Variants in FTCDNL1 observed in about 807,000 individuals in gnomAD.
The protein encoded by FTCDNL1 is formiminotransferase N-terminal subdomain-containing protein.
A neutral mutation model predicts 5.9 loss-of-function variants in FTCDNL1; 11 were observed. That is an observed-to-expected ratio of 1.87 (90% CI 1.18 to 3.10). The LOEUF (loss-of-function observed/expected upper bound fraction) is 3.10, where lower values mean the gene tolerates loss of function less well. Among genes scored for constraint, FTCDNL1 ranks in the 30% most tolerant of loss-of-function variants. The pLI is 0.00. For synonymous variants in FTCDNL1, 58 were observed against 24.8 expected (o/e 2.34, Z -3.99); for missense variants, 115 against 65.5 (o/e 1.76, Z -2.61).
the FTCDNL1 span, among the ~76,000 whole-genome samples, chr2:199,734,640 C>T: frequency 6.6e-6 from 1 of 152,132 alleles, no homozygotes; most frequent in Non-Finnish European, 1.5e-5. Flanking sequence ...GACACATGAT[C>T]ACCAAAGGCA....
chr2:199,845,939 G>A (rs2076721372), intron 3 of FTCDNL1, 136 bp downstream of exon 3: 2 of 427,992 alleles, frequency 4.7e-6, no homozygotes, highest in South Asian at 1.3e-4. Context: ...ATGATTAAGT[G>A]TAGCTTTGTG....
chr2:199,723,787 A>C, the FTCDNL1 span, among the ~76,000 whole-genome samples: 2 of 152,188 alleles, frequency 1.3e-5, no homozygotes, highest in East Asian at 3.8e-4. Context: ...TCAGTTTGCC[A>C]GTATTTTACT....
chr2:199,693,419 T>C, the FTCDNL1 span, among the ~76,000 whole-genome samples: 1 of 152,224 alleles, frequency 6.6e-6, no homozygotes, highest in Non-Finnish European at 1.5e-5. Flanking sequence ...CGTATACTTT[T>C]TACTCCATGA....
chr2:199,748,618 C>G, the FTCDNL1 span, among the ~76,000 whole-genome samples: 1 of 152,170 alleles, frequency 6.6e-6, no homozygotes, highest in Non-Finnish European at 1.5e-5. Context: ...AGCCCCTGAT[C>G]TGTGAGACAG....
chr2:199,692,505 T>C, the FTCDNL1 span, among the ~76,000 whole-genome samples: 1 of 152,222 alleles, frequency 6.6e-6, no homozygotes, highest in Non-Finnish European at 1.5e-5. Flanking sequence ...GTGGCGTAAT[T>C]AAGGCTTGTG....
At chr2:199,786,428 G>T (rs1417947425) in intron 3 of FTCDNL1, among the ~76,000 whole-genome samples, 1 of 151,956 alleles carries the variant, frequency 6.6e-6, no homozygotes, top group Non-Finnish European at 1.5e-5. Context: ...GGCTTTTAAG[G>T]TATTTGCATG....
At chr2:199,783,117 G>A (rs1437305787) in intron 3 of FTCDNL1, among the ~76,000 whole-genome samples, 1 of 152,200 alleles carries the variant, frequency 6.6e-6, no homozygotes, top group Non-Finnish European at 1.5e-5. Context: ...GGCCATCAGG[G>A]AGCCTGGTTC....
At position 199,831,875 on chromosome 2, in the gene FTCDNL1, T is replaced by G. The variant is rs1162020885; in HGVS notation, c.212-12118A>C. On this transcript the variant is annotated intron_variant, in intron 3 of 4. Coordinates refer to ENST00000420128, the MANE Select transcript of FTCDNL1 (RefSeq NM_001363886.2). ...CTGTCTTGATAGAAAAAACTACAAG[T>G]GAGTTTCTTAATGTGTCGAGGTCTG... Among the ~76,000 whole-genome samples the G allele has an allele frequency of 6.6e-5, 10 of 152,214 alleles. No individual in the cohort carries two copies. In the South Asian group the frequency reaches 1.9e-3, roughly 28 times the overall value.
At chr2:199,781,383 C>T (rs1176368169) in intron 3 of FTCDNL1, among the ~76,000 whole-genome samples, 2 of 152,142 alleles carry the variant, frequency 1.3e-5, no homozygotes, top group Non-Finnish European at 2.9e-5. Flanking sequence ...GGTCATCTTC[C>T]AGACCACAGA....
chr2:199,764,525 T>C (rs545102363), intron 3 of FTCDNL1, among the ~76,000 whole-genome samples: 43 of 152,312 alleles, frequency 2.8e-4, no homozygotes, highest in South Asian at 2.1e-4. Context: ...TTTTGTCACA[T>C]TGGAACATGA....
chr2:199,832,522 T>C (rs1337844596), intron 3 of FTCDNL1, among the ~76,000 whole-genome samples: 2 of 152,188 alleles, frequency 1.3e-5, no homozygotes, highest in African/African-American at 4.8e-5. Context: ...GAAGAACTGA[T>C]GAAGGAGAAG....
At chr2:199,791,417 A>C (rs939805538) in intron 3 of FTCDNL1, among the ~76,000 whole-genome samples, 3 of 152,182 alleles carry the variant, frequency 2.0e-5, no homozygotes, top group African/African-American at 7.2e-5. Context: ...CAGTTTTTTA[A>C]AAATAGAAAA....
chr2:199,690,890 C>A, the FTCDNL1 span, among the ~76,000 whole-genome samples: 1 of 152,110 alleles, frequency 6.6e-6, no homozygotes, highest in African/African-American at 2.4e-5. Context: ...TTATTTACTC[C>A]ATGGTCTAAA....
chr2:199,669,137 T>G, the FTCDNL1 span, among the ~76,000 whole-genome samples: 1,969 of 152,226 alleles, frequency 0.013, 17 homozygotes, highest in South Asian at 0.024. Flanking sequence ...TAACTGAACT[T>G]CCTGGATAAC....
chr2:199,752,579 A>G, the FTCDNL1 span, among the ~76,000 whole-genome samples: 1 of 152,148 alleles, frequency 6.6e-6, no homozygotes, highest in Non-Finnish European at 1.5e-5. Flanking sequence ...TGGCCAGCAG[A>G]TGGCCTTGGA....
rs535107207 is a variant in FTCDNL1 at position 199,826,255 on chromosome 2, A to G, written c.212-6498T>C. On this transcript the variant is annotated intron_variant, in intron 3 of 4. Coordinates refer to ENST00000420128, the MANE Select transcript of FTCDNL1 (RefSeq NM_001363886.2). Reference sequence around the variant, plus strand: ...TGGTAGCAACCCCCAGCTGTCTGCAATTGGAGATTCAAGGGCAGGGGTGCA... The same window carrying G: ...TGGTAGCAACCCCCAGCTGTCTGCAGTTGGAGATTCAAGGGCAGGGGTGCA... Among the ~76,000 whole-genome samples, 28 of 152,330 alleles carry G rather than the reference A, an allele frequency of 1.8e-4. 1 individual carries two copies. The highest frequency in any genetic ancestry group is 5.3e-4 in the African/African-American group (22 of 41,574).
At chr2:199,850,437 A>G (rs1343464740) in intron 1 of FTCDNL1, among the ~76,000 whole-genome samples, 1 of 152,232 alleles carries the variant, frequency 6.6e-6, no homozygotes, top group African/African-American at 2.4e-5. Context: ...GATTAGTTTC[A>G]TCCTCTCATT....
chr2:199,790,203 G>GA (rs939941237), intron 3 of FTCDNL1, among the ~76,000 whole-genome samples: 8 of 150,876 alleles, frequency 5.3e-5, no homozygotes, highest in African/African-American at 1.7e-4. Flanking sequence ...GTGGCTATAA[G>GA]AAAAAAAAAT....
the FTCDNL1 span, among the ~76,000 whole-genome samples, chr2:199,683,926 A>G: frequency 6.6e-6 from 1 of 152,232 alleles, no homozygotes; most frequent in African/African-American, 2.4e-5. Context: ...TTGTGCATTC[A>G]TTAATCGGCT....
Sources: allele counts gnomAD v4.1 joint callset (sites outside exome capture counted in the v4.1 genomes callset), GRCh38; gene constraint gnomAD v4.1.1; transcripts MANE v1.5; gene names NCBI Gene and HGNC (gene_info 2026-07-23, HGNC 2026-07-21).